Variants in ADK observed in about 807,000 individuals in gnomAD.
ADK encodes the protein adenosine kinase, also known as N6,N6-dimethyladenosine kinase.
ADK carries 24 observed loss-of-function variants against 44.7 expected under a neutral mutation model. The ratio of observed to expected loss-of-function variants is 0.54; its 90% CI spans 0.39 to 0.76. The LOEUF is 0.76. Among genes scored for constraint, ADK ranks in the 30% least tolerant of loss-of-function variants. The pLI, the probability that ADK is intolerant of heterozygous loss-of-function variation, is 0.00. For missense variants in ADK, 321 were observed against 425.1 expected, an observed-to-expected ratio of 0.76 and a Z score of 2.15; for synonymous variants, 128 against 142.6, an observed-to-expected ratio of 0.90 and a Z score of 0.73.
chr10:74,395,505 G>A (rs187096801), intron 5 of ADK, among the ~76,000 whole-genome samples: 258 of 151,996 alleles, frequency 1.7e-3, no homozygotes, highest in Middle Eastern at 3.4e-3. Flanking sequence ...TAAGATTACA[G>A]TAAACATTGA....
At chr10:74,705,830 G>A (rs1166745679) in intron 10 of ADK, among the ~76,000 whole-genome samples, 1 of 152,178 alleles carries the variant, frequency 6.6e-6, no homozygotes, top group Non-Finnish European at 1.5e-5. Flanking sequence ...TAGCCATTCT[G>A]CGAGTGTGCA....
intron 1 of ADK, among the ~76,000 whole-genome samples, chr10:74,180,942 T>C (rs968904479): frequency 2.0e-5 from 3 of 152,252 alleles, no homozygotes; most frequent in African/African-American, 7.2e-5. Context: ...GTTGGATAAG[T>C]GTAAAAGTGC....
intron 1 of ADK, among the ~76,000 whole-genome samples, chr10:74,177,208 C>T (rs901912507): frequency 1.3e-5 from 2 of 149,480 alleles, no homozygotes; most frequent in Non-Finnish European, 2.9e-5. Flanking sequence ...CGGGGGCGGC[C>T]CAGGGCCGGA....
chr10:74,573,407 G>T (rs1287478568), intron 7 of ADK, among the ~76,000 whole-genome samples: 1 of 152,194 alleles, frequency 6.6e-6, no homozygotes, highest in Non-Finnish European at 1.5e-5. Context: ...GTGTCAGTCT[G>T]CCCCTACTGG....
chr10:74,701,413 G>A (rs1228805941), intron 10 of ADK, among the ~76,000 whole-genome samples: 1 of 152,092 alleles, frequency 6.6e-6, no homozygotes. Flanking sequence ...CCAGATCTTG[G>A]TCTCTAATAC....
intron 6 of ADK, among the ~76,000 whole-genome samples, chr10:74,459,622 G>T (rs750992797): frequency 6.6e-6 from 1 of 151,284 alleles, no homozygotes; most frequent in Admixed American, 6.6e-5. Flanking sequence ...CCACCTGCTC[G>T]GGAGGCTGAG....
intron 4 of ADK, among the ~76,000 whole-genome samples, chr10:74,329,883 C>T (rs1156370308): frequency 6.6e-6 from 1 of 151,888 alleles, no homozygotes; most frequent in African/African-American, 2.4e-5. Flanking sequence ...AATAATAGGC[C>T]AGATGTGATG....
chr10:74,450,766 T>C (rs768559273), intron 6 of ADK, among the ~76,000 whole-genome samples: 2 of 152,200 alleles, frequency 1.3e-5, no homozygotes, highest in Non-Finnish European at 2.9e-5. Flanking sequence ...TAATAGCTTT[T>C]CTGTTGAATA....
At chr10:74,241,121 G>T (rs958978415) in intron 3 of ADK, among the ~76,000 whole-genome samples, 1 of 152,318 alleles carries the variant, frequency 6.6e-6, no homozygotes, top group South Asian at 2.1e-4. Flanking sequence ...AATAAAAGAA[G>T]CCATTATTTA....
chr10:74,187,073 G>A (rs1346201394), intron 1 of ADK, among the ~76,000 whole-genome samples: 1 of 151,286 alleles, frequency 6.6e-6, no homozygotes, highest in Non-Finnish European at 1.5e-5. Context: ...TTTTTTTTAT[G>A]AGAGTTCAGT....
chr10:74,407,217 A>C lies in ADK; in HGVS notation c.555+8638A>C, dbSNP rs531025940. On this transcript the variant is annotated intron_variant, in intron 6 of 10. Transcript: ENST00000539909. The stretch of plus-strand genomic sequence containing the variant: ...CTTATCTGCCTGTCTCGACCTCCCA[A>C]ATTGCTGGGATTGCAGGCATGAGCC... Among the ~76,000 whole-genome samples, 366 of 152,148 alleles carry C rather than the reference A, an allele frequency of 2.4e-3. 2 individuals are homozygous for C. The highest frequency in any genetic ancestry group is 8.4e-3 in the African/African-American group (348 of 41,506).
chr10:74,524,171 GT>G (rs1848950950), intron 6 of ADK, among the ~76,000 whole-genome samples: 1 of 152,030 alleles, frequency 6.6e-6, no homozygotes, highest in South Asian at 2.1e-4. Context: ...GCATGAATAT[GT>G]TTTAATAAGA....
intron 1 of ADK, among the ~76,000 whole-genome samples, chr10:74,188,414 T>C (rs1265720806): frequency 7.0e-6 from 1 of 142,818 alleles, no homozygotes. Flanking sequence ...AGTGGCGCGA[T>C]CTTGGCTCAC....
At chr10:74,175,762 C>T (rs1444691514) in intron 1 of ADK, among the ~76,000 whole-genome samples, 2 of 151,600 alleles carry the variant, frequency 1.3e-5, no homozygotes, top group African/African-American at 2.4e-5. Flanking sequence ...CCTGTCTCTA[C>T]AAAAATAAAA....
At chr10:74,250,536 A>G (rs1845611183) in intron 3 of ADK, among the ~76,000 whole-genome samples, 2 of 152,182 alleles carry the variant, frequency 1.3e-5, no homozygotes, top group Admixed American at 6.5e-5. Context: ...TTTTTATTTT[A>G]CAGTTAGTTG....
At chr10:74,670,636 A>G (rs1855134835) in intron 10 of ADK, among the ~76,000 whole-genome samples, 1 of 152,190 alleles carries the variant, frequency 6.6e-6, no homozygotes, top group Non-Finnish European at 1.5e-5. Flanking sequence ...ATGAATATTA[A>G]ACAGTATGCT....
At chr10:74,329,514 A>G (rs796705607) in intron 4 of ADK, among the ~76,000 whole-genome samples, 4 of 152,334 alleles carry the variant, frequency 2.6e-5, no homozygotes, top group African/African-American at 7.2e-5. Context: ...CCACCTATCT[A>G]TTAACCAGAA....
At chr10:74,261,406 T>G (rs1161459420) in intron 3 of ADK, among the ~76,000 whole-genome samples, 2 of 152,134 alleles carry the variant, frequency 1.3e-5, no homozygotes, top group Non-Finnish European at 2.9e-5. Context: ...TACCAAGGAG[T>G]TGTCTTACTC....
rs114706924 is a variant in ADK at position 74,514,852 on chromosome 10, T to C, written c.556-10404T>C. On this transcript the variant is annotated intron_variant, in intron 6 of 10. Transcript: ENST00000539909. The stretch of plus-strand genomic sequence containing the variant: ...TCCTTCTTCTTCTTTTAAGACAAGT[T>C]CTCATTCTGTTGCCCAGGCTGGAGT... Among the ~76,000 whole-genome samples, 1,223 of 152,296 alleles carry C rather than the reference T, an allele frequency of 8.0e-3. 18 individuals carry two copies. The highest frequency in any genetic ancestry group is 0.028 in the African/African-American group (1,161 of 41,556).
Sources: allele counts gnomAD v4.1 joint callset (sites outside exome capture counted in the v4.1 genomes callset), GRCh38; gene constraint gnomAD v4.1.1; transcripts MANE v1.5; gene names NCBI Gene and HGNC (gene_info 2026-07-23, HGNC 2026-07-21).